Variants in ERC2 observed in about 807,000 individuals in gnomAD.
ERC2 encodes ERC protein 2.
In ERC2, 42 loss-of-function variants were observed where a neutral mutation model predicts 114.8. The observed-to-expected ratio is 0.37, with a 90% CI of 0.29 to 0.47. The LOEUF (loss-of-function observed/expected upper bound fraction) is 0.47, where lower values mean the gene tolerates loss of function less well. Ranked by LOEUF, ERC2 falls within the 20% of genes least tolerant of loss-of-function variation. ERC2 has a pLI of 0.99. For synonymous variants in ERC2, 454 were observed against 425.5 expected, an observed-to-expected ratio of 1.07 and a Z score of -0.82; for missense variants, 939 against 1,150.7, an observed-to-expected ratio of 0.82 and a Z score of 2.66.
intron 13 of ERC2, among the ~76,000 whole-genome samples, chr3:55,922,767 T>C (rs73831809): frequency 0.091 from 13,840 of 152,098 alleles, 943 homozygotes; most frequent in East Asian, 0.24. Context: ...GTTGACTCAA[T>C]TTGAATGGAC....
intron 6 of ERC2, among the ~76,000 whole-genome samples, chr3:56,093,372 T>C (rs1218137807): frequency 2.6e-5 from 4 of 152,126 alleles, no homozygotes; most frequent in Admixed American, 2.6e-4. Context: ...TGGAGTGAAA[T>C]GGAAAAAAGC....
chr3:56,214,921 C>A (rs776921167), intron 3 of ERC2, among the ~76,000 whole-genome samples: 48 of 152,114 alleles, frequency 3.2e-4, no homozygotes, highest in Non-Finnish European at 6.3e-4. Flanking sequence ...GAAATAAAAT[C>A]CTTTACAGAC....
At chr3:55,863,355 A>T (rs1338128790) in intron 14 of ERC2, among the ~76,000 whole-genome samples, 2 of 152,170 alleles carry the variant, frequency 1.3e-5, no homozygotes, top group Non-Finnish European at 2.9e-5. Context: ...GACAGGAAAA[A>T]CACAGAGAAC....
At chr3:55,634,126 T>C (rs2059862315) in intron 17 of ERC2, among the ~76,000 whole-genome samples, 1 of 152,142 alleles carries the variant, frequency 6.6e-6, no homozygotes, top group Non-Finnish European at 1.5e-5. Context: ...ATGTATGTGG[T>C]TTTCAGGCAG....
At chr3:56,289,730 G>T (rs778194370) in intron 3 of ERC2, among the ~76,000 whole-genome samples, 1 of 152,166 alleles carries the variant, frequency 6.6e-6, no homozygotes, top group Non-Finnish European at 1.5e-5. Context: ...TACCGTGGAT[G>T]AAGCCAGTTG....
intron 2 of ERC2, among the ~76,000 whole-genome samples, chr3:56,358,231 G>A (rs547193889): frequency 2.1e-4 from 32 of 152,218 alleles, no homozygotes; most frequent in Admixed American, 3.9e-4. Context: ...TGATTACACC[G>A]AACAATATTT....
chr3:55,834,093 C>T (rs1341916912), intron 14 of ERC2, among the ~76,000 whole-genome samples: 8 of 151,794 alleles, frequency 5.3e-5, no homozygotes, highest in African/African-American at 1.9e-4. Context: ...AATACAGGAG[C>T]ACCCAGATTC....
At chr3:56,340,743 C>T (rs1440798945) in intron 2 of ERC2, among the ~76,000 whole-genome samples, 1 of 152,140 alleles carries the variant, frequency 6.6e-6, no homozygotes, top group Admixed American at 6.5e-5. Context: ...AAAACAGATG[C>T]TCCAAATACT....
intron 7 of ERC2, among the ~76,000 whole-genome samples, chr3:56,025,480 T>G (rs1204635198): frequency 9.2e-5 from 14 of 152,226 alleles, no homozygotes; most frequent in Admixed American, 9.2e-4. Flanking sequence ...AGCTCCTTGC[T>G]GGCTGCTGGC....
intron 7 of ERC2, among the ~76,000 whole-genome samples, chr3:56,053,795 CT>C (rs745957068): frequency 7.9e-4 from 116 of 147,220 alleles, no homozygotes; most frequent in African/African-American, 1.9e-3. Context: ...AAGAAGTTGA[CT>C]TTTTTTTTTT....
chr3:56,427,781 G>A (rs572626488), intron 2 of ERC2, among the ~76,000 whole-genome samples: 9 of 152,228 alleles, frequency 5.9e-5, no homozygotes, highest in African/African-American at 1.9e-4. Context: ...GCAACCTGCT[G>A]ACACCTTGAT....
At chr3:55,707,583 A>G (rs1036304958) in intron 15 of ERC2, among the ~76,000 whole-genome samples, 3 of 152,216 alleles carry the variant, frequency 2.0e-5, no homozygotes, top group Non-Finnish European at 4.4e-5. Context: ...ATTTATAAAG[A>G]AAGAGTTCTA....
At chr3:56,179,623 C>A (rs1028128802) in intron 3 of ERC2, among the ~76,000 whole-genome samples, 1 of 151,674 alleles carries the variant, frequency 6.6e-6, no homozygotes, top group Non-Finnish European at 1.5e-5. Flanking sequence ...ATGAGGTGGA[C>A]TTGGCTTCCT....
intron 6 of ERC2, among the ~76,000 whole-genome samples, chr3:56,131,350 C>A (rs970554503): frequency 1.3e-5 from 2 of 152,104 alleles, no homozygotes; most frequent in African/African-American, 4.8e-5. Context: ...ATATATTTTT[C>A]TTTTACCAAG....
intron 3 of ERC2, among the ~76,000 whole-genome samples, chr3:56,283,186 C>A (rs1217285039): frequency 3.3e-5 from 5 of 152,212 alleles, no homozygotes; most frequent in South Asian, 4.1e-4. Flanking sequence ...AAGATTTAGC[C>A]ATCGTGCACC....
chr3:56,194,780 T>G (rs1338678207), intron 3 of ERC2, among the ~76,000 whole-genome samples: 5 of 152,190 alleles, frequency 3.3e-5, no homozygotes, highest in Admixed American at 3.3e-4. Flanking sequence ...CACAGCTGAC[T>G]GAAACATCAT....
intron 17 of ERC2, among the ~76,000 whole-genome samples, chr3:55,528,043 T>C (rs866560462): frequency 6.6e-6 from 1 of 152,110 alleles, no homozygotes; most frequent in Non-Finnish European, 1.5e-5. Flanking sequence ...GGGTAATATG[T>C]ACATGAAAGG....
chr3:55,590,007 AACCTTTT>A (rs2057793988), intron 17 of ERC2, among the ~76,000 whole-genome samples: 2 of 152,224 alleles, frequency 1.3e-5, no homozygotes, highest in African/African-American at 4.8e-5. Flanking sequence ...TCTCAAAAAA[AACCTTTT>A]AAAAAATCAT....
intron 17 of ERC2, among the ~76,000 whole-genome samples, chr3:55,554,755 G>A (rs889688123): frequency 7.8e-4 from 118 of 151,946 alleles, no homozygotes; most frequent in Admixed American, 7.5e-3. Flanking sequence ...GCTGCAAGCT[G>A]CCCTTGTTTT....
Sources: allele counts gnomAD v4.1 joint callset (sites outside exome capture counted in the v4.1 genomes callset), GRCh38; gene constraint gnomAD v4.1.1; transcripts MANE v1.5; gene names NCBI Gene and HGNC (gene_info 2026-07-23, HGNC 2026-07-21).